ADAMTS5: variants seen among roughly 807,000 people sequenced by gnomAD.
ADAMTS5 encodes the protein ADAM metallopeptidase with thrombospondin type 1 motif 5.
In ADAMTS5, 54 loss-of-function variants were observed where a neutral mutation model predicts 81.4. That is an observed-to-expected ratio of 0.66 (90% confidence interval 0.53 to 0.83). The LOEUF is 0.83. ADAMTS5 is among the 40% of genes least tolerant of loss of function. ADAMTS5 has a pLI of 0.00. For synonymous variants in ADAMTS5, 532 were observed against 508.8 expected, an observed-to-expected ratio of 1.05 and a Z score of -0.61; for missense variants, 1,194 against 1,229.9, an observed-to-expected ratio of 0.97 and a Z score of 0.44.
chr21:26,946,834 C>T (rs1320706089), intron 2 of ADAMTS5, among the ~76,000 whole-genome samples: 1 of 152,058 alleles, frequency 6.6e-6, no homozygotes, highest in East Asian at 1.9e-4. Context: ...GGGATGGAAT[C>T]GAGAAATCCA....
Position 26,919,232 on chromosome 21 carries a change from T to G in ADAMTS5, c.*4821A>C, listed in dbSNP as rs915474783. On this transcript the variant is annotated 3_prime_UTR_variant, in exon 8 of 8. Transcript: ENST00000284987. ...GCATGCCCTGTTTTTTATTTGTTTT[T>G]TTTTTTTTTCCTACAAATCACAGTT... 6.6e-6 allele frequency: 1 copy of G among 151,720 alleles called. No individual in the cohort carries two copies. Among genetic ancestry groups the G allele is most frequent in the Non-Finnish European group, 1.5e-5 (1 of 67,878 alleles). The allele number at this position is 151,720 out of a possible 1,614,324, so 9.4% of individuals were successfully genotyped here. A position where few individuals can be genotyped will look rare whatever the true frequency, so the allele number is the denominator to read the frequency against.
Position 26,965,310 on chromosome 21 carries a change from G to A in ADAMTS5, c.1082C>T (p.Ala361Val). Residue 361 changes from alanine to valine, a missense_variant, in exon 1 of 8, where the codon GCA (alanine) becomes GTA (valine). Ala to Val is a moderately conservative substitution (Grantham distance 64). Around this residue, in one of 2 missense-constraint regions of ADAMTS5, gnomAD observed 696 missense variants for 817.6 expected, o/e 0.85. Transcript: ENST00000284987. ...TACCTCCCGAGTAAACAGGATAGCTGCATCGTAGTGCTCCTCATGGTCATC... is the reference window on the plus strand; with the variant it reads ...TACCTCCCGAGTAAACAGGATAGCTACATCGTAGTGCTCCTCATGGTCATC... The part of the protein sequence containing the change: ...LGDDHEEHYD[A>V]AILFTREDLC... 1 of 1,613,836 alleles carries A rather than the reference G, an allele frequency of 6.2e-7. No individual in the cohort carries two copies.
At chr21:26,946,505 T>G (rs1987218737) in intron 2 of ADAMTS5, among the ~76,000 whole-genome samples, 1 of 152,176 alleles carries the variant, frequency 6.6e-6, no homozygotes, top group African/African-American at 2.4e-5. Context: ...TTGGAAAAGC[T>G]AATAGCTTTG....
chr21:26,943,350 T>A (rs1987149590), intron 3 of ADAMTS5, 30 bp downstream of exon 3: 2 of 1,579,574 alleles, frequency 1.3e-6, no homozygotes, highest in Non-Finnish European at 1.7e-6. Flanking sequence ...ATTTTGTTTC[T>A]CAGTCTGTGT....
chr21:26,950,413 G>A (rs1987295148), intron 2 of ADAMTS5, among the ~76,000 whole-genome samples: 1 of 152,206 alleles, frequency 6.6e-6, no homozygotes, highest in Non-Finnish European at 1.5e-5. Context: ...ACTTTCTGCA[G>A]TTCACATTTG....
chr21:26,957,464 GATA>G (rs1379748313), intron 1 of ADAMTS5, among the ~76,000 whole-genome samples: 1 of 152,066 alleles, frequency 6.6e-6, no homozygotes, highest in Non-Finnish European at 1.5e-5. Flanking sequence ...TAGATAGATA[GATA>G]GATAGATAGA....
At chr21:26,941,862 T>C (rs148695621) in intron 3 of ADAMTS5, among the ~76,000 whole-genome samples, 1 of 152,238 alleles carries the variant, frequency 6.6e-6, no homozygotes, top group Non-Finnish European at 1.5e-5. Context: ...GATAGGATGA[T>C]AGTAAGGTAA....
rs542762554 is a variant in ADAMTS5 at position 26,943,874 on chromosome 21, C to T, written c.1238-327G>A. ...TTGCGAGACAATTGTGGGATTATGT[C>T]ATAGCCCTCACCACGTATCATTTTG... On this transcript the variant is annotated intron_variant, in intron 2 of 7. Transcript: ENST00000284987. Among the ~76,000 whole-genome samples the T allele has an allele frequency of 2.0e-5, 3 of 152,280 alleles. No individual in the cohort carries two copies. The East Asian group carries it at 5.8e-4, about 29-fold the overall frequency.
chr21:26,964,559 T>C (rs1165655551), intron 1 of ADAMTS5, among the ~76,000 whole-genome samples: 1 of 152,100 alleles, frequency 6.6e-6, no homozygotes, highest in Non-Finnish European at 1.5e-5. Context: ...GGCGGCGGAG[T>C]TGGCCTGGGC....
chr21:26,934,964 G>A (rs1379045174), intron 3 of ADAMTS5, among the ~76,000 whole-genome samples: 1 of 152,102 alleles, frequency 6.6e-6, no homozygotes, highest in East Asian at 1.9e-4. Flanking sequence ...GATGCGCTCC[G>A]GAGTGTCTGT....
intron 2 of ADAMTS5, among the ~76,000 whole-genome samples, chr21:26,943,818 T>C (rs748450764): frequency 3.3e-5 from 5 of 152,230 alleles, no homozygotes; most frequent in African/African-American, 4.8e-5. Flanking sequence ...TAATGTCATG[T>C]GGAAACAAAG....
chr21:26,946,803 TGAGGTTTTAGAG>T (rs768067860), intron 2 of ADAMTS5, among the ~76,000 whole-genome samples: 77 of 152,160 alleles, frequency 5.1e-4, no homozygotes, highest in South Asian at 3.1e-3. Flanking sequence ...TAGTTGAGGG[TGAGGTTTTAGAG>T]GAGGCAGGGG....
intron 7 of ADAMTS5, among the ~76,000 whole-genome samples, chr21:26,925,331 A>G (rs1042420630): frequency 6.6e-6 from 1 of 152,206 alleles, no homozygotes; most frequent in Non-Finnish European, 1.5e-5. Context: ...TTGGGTAATG[A>G]TATTACTAAT....
At chr21:26,932,538 A>G (rs1471711366) in intron 5 of ADAMTS5, among the ~76,000 whole-genome samples, 1 of 152,100 alleles carries the variant, frequency 6.6e-6, no homozygotes, top group African/African-American at 2.4e-5. Flanking sequence ...CTAAAAATAA[A>G]AAATAAAGAA....
chr21:26,937,545 T>A (rs746514473), intron 3 of ADAMTS5, among the ~76,000 whole-genome samples: 15 of 152,230 alleles, frequency 9.9e-5, no homozygotes, highest in South Asian at 4.1e-4. Context: ...TACAAGCATC[T>A]CTACCAAATG....
intron 3 of ADAMTS5, among the ~76,000 whole-genome samples, chr21:26,940,505 T>C (rs968447488): frequency 3.9e-5 from 6 of 152,178 alleles, no homozygotes; most frequent in Non-Finnish European, 8.8e-5. Flanking sequence ...ATTTATAGCC[T>C]TTCTCTTATT....
intron 1 of ADAMTS5, among the ~76,000 whole-genome samples, chr21:26,957,849 T>C (rs1987458011): frequency 6.6e-6 from 1 of 152,204 alleles, no homozygotes; most frequent in African/African-American, 2.4e-5. Flanking sequence ...AGGAAGGTCA[T>C]TGACACTGTG....
Position 26,965,643 on chromosome 21 carries a change from G to T in ADAMTS5, c.749C>A (p.Ser250Ter). ...CCGCCGCCACCACGTCTGCGGTCCTGAGCCCCCAGCGGGCGAGAGAGCGGA... is the reference window on the plus strand; with the variant it reads ...CCGCCGCCACCACGTCTGCGGTCCTTAGCCCCCAGCGGGCGAGAGAGCGGA... ...DQSALSPAGGSGPQTWWRRRR... is the reference protein window; with the variant it reads ...DQSALSPAGG Residue 250 changes from serine to a stop codon, truncating the protein, a stop_gained, in exon 1 of 8, where the codon TCA (serine) becomes TAA (stop). Transcript: ENST00000284987. LOFTEE classifies it high-confidence loss of function. 6.3e-7 allele frequency: 1 copy of T among 1,596,566 alleles called. No homozygotes were observed. The highest frequency in any genetic ancestry group is 1.1e-5 in the South Asian group (1 of 89,544).
Position 26,923,809 on chromosome 21 carries a change from C to G in ADAMTS5, c.*244G>C, listed in dbSNP as rs566091449. 37 of 427,872 alleles carry G rather than the reference C, an allele frequency of 8.6e-5. No individual in the cohort carries two copies. Among genetic ancestry groups the G allele is most frequent in the Non-Finnish European group, 1.5e-4 (36 of 239,250 alleles). 26.5% of individuals were successfully genotyped at this position (427,872 alleles called of 1,614,324 possible). A position where few individuals can be genotyped will look rare whatever the true frequency, so the allele number is the denominator to read the frequency against. The stretch of plus-strand genomic sequence containing the variant: ...CCTGATTTTACATTCATCAGTGTTT[C>G]TTGTAAGCCCAGGGGATGTTCAATA... On this transcript the variant is annotated 3_prime_UTR_variant, in exon 8 of 8. Coordinates refer to ENST00000284987, the MANE Select transcript of ADAMTS5 (RefSeq NM_007038.5).
Sources: allele counts gnomAD v4.1 joint callset (sites outside exome capture counted in the v4.1 genomes callset), GRCh38; gene constraint gnomAD v4.1.1; regional missense constraint gnomAD v4.1.1; transcripts MANE v1.5; gene names NCBI Gene and HGNC (gene_info 2026-07-23, HGNC 2026-07-21).